The following CSMD1 variants were observed in gnomAD, a reference collection of about 807,000 sequenced individuals.
The protein encoded by CSMD1 is CUB and Sushi multiple domains 1, also known as CUB and sushi domain-containing protein 1.
Under a neutral mutation model 417.5 loss-of-function variants are expected in CSMD1, and 213 were observed. That is an observed-to-expected ratio of 0.51 (90% CI 0.46 to 0.57). The LOEUF is 0.57. CSMD1 is among the 20% of genes least tolerant of loss of function. CSMD1 has a pLI of 0.00. For synonymous variants in CSMD1, 2,862 were observed against 1,736.8 expected (o/e 1.65, Z -16.11); for missense variants, 6,923 against 4,529.7 (o/e 1.53, Z -15.17).
intron 12 of CSMD1, among the ~76,000 whole-genome samples, chr8:3,437,574 C>A (rs1814649512): frequency 6.6e-6 from 1 of 152,100 alleles, no homozygotes; most frequent in African/African-American, 2.4e-5. Context: ...ACTGCAGGAG[C>A]CCATCCTCAA....
chr8:3,147,895 A>G (rs1181179699), intron 40 of CSMD1, among the ~76,000 whole-genome samples: 2 of 152,228 alleles, frequency 1.3e-5, no homozygotes, highest in East Asian at 3.9e-4. Context: ...ACTTGCGTGA[A>G]CTACCTATCA....
chr8:4,943,559 A>G (rs1808168592), intron 1 of CSMD1, among the ~76,000 whole-genome samples: 2 of 152,078 alleles, frequency 1.3e-5, no homozygotes, highest in South Asian at 4.1e-4. Flanking sequence ...CCTCTCTGTA[A>G]CCAATTACCT....
At chr8:4,252,978 G>A (rs1803186531) in intron 3 of CSMD1, among the ~76,000 whole-genome samples, 1 of 152,176 alleles carries the variant, frequency 6.6e-6, no homozygotes, top group African/African-American at 2.4e-5. Flanking sequence ...AGCCCAGTAA[G>A]CCTATGAGTT....
chr8:4,007,803 AG>A (rs538159836), intron 4 of CSMD1, among the ~76,000 whole-genome samples: 1 of 152,178 alleles, frequency 6.6e-6, no homozygotes, highest in Non-Finnish European at 1.5e-5. Context: ...AAATATATTT[AG>A]GGGGCTATGC....
At chr8:3,392,791 C>A (rs146447796) in intron 17 of CSMD1, among the ~76,000 whole-genome samples, 1 of 152,180 alleles carries the variant, frequency 6.6e-6, no homozygotes, top group East Asian at 1.9e-4. Flanking sequence ...CCTTCAGCAC[C>A]GGGTAAACGG....
chr8:3,782,142 CA>C (rs1159148659), intron 5 of CSMD1, among the ~76,000 whole-genome samples: 3 of 152,002 alleles, frequency 2.0e-5, no homozygotes, highest in African/African-American at 7.2e-5. Flanking sequence ...CTTTTTTTCT[CA>C]TTTAAAAGAG....
chr8:4,110,608 T>C (rs1801800084), intron 3 of CSMD1, among the ~76,000 whole-genome samples: 2 of 148,212 alleles, frequency 1.3e-5, no homozygotes, highest in East Asian at 2.0e-4. Flanking sequence ...ATTTTGTACT[T>C]TCTCCCTAAT....
intron 7 of CSMD1, among the ~76,000 whole-genome samples, chr8:3,699,570 T>C (rs1336125933): frequency 1.3e-5 from 2 of 152,196 alleles, no homozygotes; most frequent in African/African-American, 2.4e-5. Flanking sequence ...TATGGGTTGA[T>C]CTACTAATAT....
At chr8:3,667,673 G>C (rs548542776) in intron 7 of CSMD1, among the ~76,000 whole-genome samples, 108 of 152,332 alleles carry the variant, frequency 7.1e-4, no homozygotes, top group African/African-American at 2.5e-3. Flanking sequence ...AAGAGCAGTT[G>C]TCCACGCATG....
chr8:3,849,403 C>G (rs140466345), intron 5 of CSMD1, among the ~76,000 whole-genome samples: 15 of 152,096 alleles, frequency 9.9e-5, no homozygotes, highest in African/African-American at 3.4e-4. Context: ...GAAGGACGGA[C>G]GAAAGGGAGT....
chr8:3,750,828 G>C (rs569349237), intron 6 of CSMD1, among the ~76,000 whole-genome samples: 27 of 152,248 alleles, frequency 1.8e-4, no homozygotes, highest in African/African-American at 6.5e-4. Context: ...CCTTAGGTTT[G>C]TTCTAGAATC....
chr8:3,582,325 A>G (rs1204710998), intron 9 of CSMD1, among the ~76,000 whole-genome samples: 3 of 152,168 alleles, frequency 2.0e-5, no homozygotes, highest in East Asian at 1.9e-4. Flanking sequence ...TCTCTAATGG[A>G]TGAATCCATT....
At chr8:3,659,648 C>G (rs1476371277) in intron 7 of CSMD1, among the ~76,000 whole-genome samples, 1 of 152,114 alleles carries the variant, frequency 6.6e-6, no homozygotes, top group Non-Finnish European at 1.5e-5. Flanking sequence ...TGTGGCAAAG[C>G]AGATAACAAG....
At chr8:4,195,570 G>C (rs1799286775) in intron 3 of CSMD1, among the ~76,000 whole-genome samples, 1 of 152,146 alleles carries the variant, frequency 6.6e-6, no homozygotes, top group Non-Finnish European at 1.5e-5. Flanking sequence ...ATAGTATATG[G>C]TAGAGGTGAG....
intron 18 of CSMD1, among the ~76,000 whole-genome samples, chr8:3,384,712 AT>A (rs1212113573): frequency 3.1e-5 from 2 of 63,924 alleles, no homozygotes; most frequent in Non-Finnish European, 5.8e-5. Context: ...ATATATAAAT[AT>A]ATTTATAATA....
intron 3 of CSMD1, among the ~76,000 whole-genome samples, chr8:4,256,934 C>T (rs2680599): frequency 0.5 from 75,302 of 152,036 alleles, 21,083 homozygotes; most frequent in Middle Eastern, 0.66. Flanking sequence ...TTCCGCTTTC[C>T]CTCCGTGGGC....
At chr8:3,809,715 C>A (rs1468040313) in intron 5 of CSMD1, among the ~76,000 whole-genome samples, 3 of 152,124 alleles carry the variant, frequency 2.0e-5, no homozygotes, top group Non-Finnish European at 4.4e-5. Flanking sequence ...TGCCACGAAT[C>A]TATAGGTCTT....
chr8:4,469,773 G>C (rs1408067166), intron 2 of CSMD1, among the ~76,000 whole-genome samples: 2 of 152,084 alleles, frequency 1.3e-5, no homozygotes, highest in Admixed American at 6.5e-5. Flanking sequence ...GAATATGCCA[G>C]GCGACAGCAC....
At chr8:3,910,041 A>C (rs1808360380) in intron 5 of CSMD1, among the ~76,000 whole-genome samples, 1 of 152,164 alleles carries the variant, frequency 6.6e-6, no homozygotes, top group Non-Finnish European at 1.5e-5. Flanking sequence ...TTTTTCTCTT[A>C]AAACAGAGGC....
Sources: gnomAD v4.1 joint callset for allele counts (sites outside exome capture counted in the v4.1 genomes callset) on GRCh38, gnomAD v4.1.1 for gene constraint, MANE v1.5 for transcripts, NCBI Gene and HGNC (gene_info 2026-07-23, HGNC 2026-07-21) for gene names.